The following CHSY3 variants were observed in gnomAD, a reference collection of about 807,000 sequenced individuals.
CHSY3 encodes the protein N-acetylgalactosaminyl-proteoglycan 3-beta-glucuronosyltransferase 3.
In CHSY3, 35 loss-of-function variants were observed where a neutral mutation model predicts 67.2. The observed-to-expected ratio is 0.52, with a 90% confidence interval of 0.40 to 0.69. The LOEUF (loss-of-function observed/expected upper bound fraction) is 0.69, where lower values mean the gene tolerates loss of function less well. Among genes scored for constraint, CHSY3 ranks in the 30% least tolerant of loss-of-function variants. The pLI, the probability that CHSY3 is intolerant of heterozygous loss-of-function variation, is 0.00. For missense variants in CHSY3, 1,069 were observed against 1,138.5 expected, an observed-to-expected ratio of 0.94 and a Z score of 0.88; for synonymous variants, 474 against 434.7, an observed-to-expected ratio of 1.09 and a Z score of -1.12.
At chr5:130,051,312 G>GA (rs1299070807) in intron 2 of CHSY3, among the ~76,000 whole-genome samples, 2 of 152,050 alleles carry the variant, frequency 1.3e-5, no homozygotes, top group Non-Finnish European at 2.9e-5. Context: ...GAATATAATT[G>GA]AAAATCACTA....
chr5:130,121,957 G>A (rs184542113), intron 2 of CHSY3, among the ~76,000 whole-genome samples: 1 of 151,934 alleles, frequency 6.6e-6, no homozygotes, highest in African/African-American at 2.4e-5. Context: ...ACCCTCAGCT[G>A]CACAGTTCAC....
chr5:129,937,826 C>G (rs540502747), intron 2 of CHSY3, among the ~76,000 whole-genome samples: 2 of 152,270 alleles, frequency 1.3e-5, no homozygotes, highest in South Asian at 4.2e-4. Context: ...TGTCTCACAT[C>G]CAGGCTACAC....
intron 2 of CHSY3, among the ~76,000 whole-genome samples, chr5:130,072,584 A>G (rs1432941751): frequency 4.6e-5 from 7 of 151,998 alleles, no homozygotes; most frequent in Non-Finnish European, 1.0e-4. Context: ...TTAAGTCAGG[A>G]AGTATGGTAT....
chr5:129,925,773 G>A (rs1232803774), intron 2 of CHSY3, among the ~76,000 whole-genome samples: 2 of 151,852 alleles, frequency 1.3e-5, no homozygotes, highest in Admixed American at 6.6e-5. Context: ...GCTTCTATGA[G>A]TTCACCATTT....
chr5:129,920,468 G>A (rs1378280171), intron 2 of CHSY3, among the ~76,000 whole-genome samples: 1 of 152,100 alleles, frequency 6.6e-6, no homozygotes, highest in Non-Finnish European at 1.5e-5. Context: ...CTGGTCTTGA[G>A]CTCCTGATCT....
chr5:129,977,494 A>ATGTCACCC (rs925713272), intron 2 of CHSY3, among the ~76,000 whole-genome samples: 20 of 152,294 alleles, frequency 1.3e-4, no homozygotes, highest in African/African-American at 4.6e-4. Context: ...TATTTGTCTA[A>ATGTCACCC]TGTCACCCAA....
rs192526259 is a variant in CHSY3 at position 130,096,211 on chromosome 5, C to T, written c.1087-88018C>T. ...ATTTTCAGATGGAGTCTTGCTCTGTCGCCCAGGCTGGAGTGCAATGGCGCA... is the reference window on the plus strand; with the variant it reads ...ATTTTCAGATGGAGTCTTGCTCTGTTGCCCAGGCTGGAGTGCAATGGCGCA... On this transcript the variant is annotated intron_variant, in intron 2 of 2. Transcript: ENST00000305031. Among the ~76,000 whole-genome samples, 803 of 152,234 alleles carry T rather than the reference C, an allele frequency of 5.3e-3. 6 individuals carry two copies. The highest frequency in any genetic ancestry group is 0.024 in the Middle Eastern group (7 of 294).
At chr5:129,980,713 T>G (rs1474939016) in intron 2 of CHSY3, among the ~76,000 whole-genome samples, 1 of 152,178 alleles carries the variant, frequency 6.6e-6, no homozygotes, top group African/African-American at 2.4e-5. Flanking sequence ...TCTTCTAGGT[T>G]TTCTCCTATG....
At chr5:130,116,246 T>G (rs1767796203) in intron 2 of CHSY3, among the ~76,000 whole-genome samples, 1 of 152,112 alleles carries the variant, frequency 6.6e-6, no homozygotes, top group Non-Finnish European at 1.5e-5. Flanking sequence ...TCATACTAAT[T>G]ATCTTAGAAG....
At chr5:130,178,253 A>ATATATATATTTTTT (rs1205782386) in intron 2 of CHSY3, among the ~76,000 whole-genome samples, 5 of 45,914 alleles carry the variant, frequency 1.1e-4, no homozygotes, top group African/African-American at 3.0e-4. Flanking sequence ...ATATATATAT[A>ATATATATATTTTTT]TTTTTTTTTT....
chr5:130,065,363 A>G (rs984971426), intron 2 of CHSY3, among the ~76,000 whole-genome samples: 3 of 152,126 alleles, frequency 2.0e-5, no homozygotes, highest in Non-Finnish European at 2.9e-5. Context: ...AGTACAAATT[A>G]AAAACAAAAC....
At position 129,925,769 on chromosome 5, in the gene CHSY3, A is replaced by G. The variant is rs1417315781; in HGVS notation, c.1086+17409A>G. 3.3e-5 allele frequency among the ~76,000 whole-genome samples: 5 copies of G among 152,040 alleles called. No homozygotes were observed. In the South Asian group the frequency reaches 1.0e-3, roughly 31 times the overall value. On this transcript the variant is annotated intron_variant, in intron 2 of 2. Coordinates refer to ENST00000305031, the MANE Select transcript of CHSY3 (RefSeq NM_175856.5). ...AAACACCATTCTACTCTCTGCTTCT[A>G]TGAGTTCACCATTTATATTTTTTTA...
chr5:129,904,169 A>G (rs552748116), upstream of CHSY3, among the ~76,000 whole-genome samples: 25 of 151,460 alleles, frequency 1.7e-4, no homozygotes, highest in South Asian at 5.2e-3. Flanking sequence ...AATGGGACGA[A>G]GAGCAAGAGC....
chr5:130,039,178 G>A (rs1466907474), intron 2 of CHSY3, among the ~76,000 whole-genome samples: 1 of 152,056 alleles, frequency 6.6e-6, no homozygotes, highest in Non-Finnish European at 1.5e-5. Flanking sequence ...GAGTCATTTA[G>A]AGTATCTACT....
chr5:129,932,744 A>G (rs1761357665), intron 2 of CHSY3, among the ~76,000 whole-genome samples: 1 of 152,118 alleles, frequency 6.6e-6, no homozygotes, highest in Non-Finnish European at 1.5e-5. Flanking sequence ...TACCCATTTT[A>G]AAAAGAGAAA....
chr5:130,153,297 T>G (rs1769280516), intron 2 of CHSY3, among the ~76,000 whole-genome samples: 1 of 151,390 alleles, frequency 6.6e-6, no homozygotes, highest in African/African-American at 2.4e-5. Flanking sequence ...TTACCATTCT[T>G]GAGAAAAAAA....
chr5:130,031,809 T>A (rs1283011293), intron 2 of CHSY3, among the ~76,000 whole-genome samples: 1 of 152,160 alleles, frequency 6.6e-6, no homozygotes, highest in African/African-American at 2.4e-5. Flanking sequence ...GTGTTACAAA[T>A]TGACATTTGG....
intron 2 of CHSY3, among the ~76,000 whole-genome samples, chr5:130,114,181 C>A (rs1465658457): frequency 6.6e-6 from 1 of 152,024 alleles, no homozygotes; most frequent in Non-Finnish European, 1.5e-5. Flanking sequence ...AATTGTGGTT[C>A]TTGATATTAG....
intron 2 of CHSY3, among the ~76,000 whole-genome samples, chr5:130,062,721 A>G (rs1428232582): frequency 1.3e-5 from 2 of 152,068 alleles, no homozygotes; most frequent in African/African-American, 4.8e-5. Flanking sequence ...AGAGGCTAAT[A>G]CAAACTATAT....
Sources: allele counts gnomAD v4.1 joint callset (sites outside exome capture counted in the v4.1 genomes callset), GRCh38; gene constraint gnomAD v4.1.1; transcripts MANE v1.5; gene names NCBI Gene and HGNC (gene_info 2026-07-23, HGNC 2026-07-21).